SUMF1: variants seen among roughly 807,000 people sequenced by gnomAD.
SUMF1 encodes formylglycine-generating enzyme.
Under a neutral mutation model 47.6 loss-of-function variants are expected in SUMF1, and 48 were observed. That is an observed-to-expected ratio of 1.01 (90% CI 0.80 to 1.28). The LOEUF is 1.28. Among genes scored for constraint, SUMF1 ranks in the 50% most tolerant of loss-of-function variants. The pLI, the probability that SUMF1 is intolerant of heterozygous loss-of-function variation, is 0.00. For synonymous variants in SUMF1, 230 were observed against 192.1 expected (o/e 1.20, Z -1.63); for missense variants, 571 against 485.4 (o/e 1.18, Z -1.66).
chr3:4,066,393 C>T (rs978056305), intron 9 of SUMF1, among the ~76,000 whole-genome samples: 7 of 151,944 alleles, frequency 4.6e-5, no homozygotes, highest in Admixed American at 4.6e-4. Flanking sequence ...TTTCTGAAAC[C>T]AACCAAATTG....
chr3:4,088,769 G>A (rs1276471245), intron 8 of SUMF1, among the ~76,000 whole-genome samples: 2 of 152,026 alleles, frequency 1.3e-5, no homozygotes, highest in Admixed American at 1.3e-4. Context: ...GAGAATTTAA[G>A]ATGCACACGT....
At chr3:4,460,308 T>C (rs1043234508) in intron 1 of SUMF1, among the ~76,000 whole-genome samples, 2 of 152,188 alleles carry the variant, frequency 1.3e-5, no homozygotes, top group African/African-American at 4.8e-5. Context: ...CTCTTCTATA[T>C]GTTTTTAAAT....
intron 8 of SUMF1, among the ~76,000 whole-genome samples, chr3:4,239,361 G>A (rs547368989): frequency 6.6e-6 from 1 of 152,170 alleles, no homozygotes; most frequent in East Asian, 1.9e-4. Context: ...AGATTACTTT[G>A]GGCAGTATGG....
At chr3:4,181,867 G>C (rs1333454115) in intron 8 of SUMF1, among the ~76,000 whole-genome samples, 4 of 152,092 alleles carry the variant, frequency 2.6e-5, no homozygotes, top group African/African-American at 9.7e-5. Context: ...TGGACCTGAG[G>C]CTGGGGAACA....
At chr3:4,275,074 T>G (rs1393925218) in intron 8 of SUMF1, among the ~76,000 whole-genome samples, 5 of 151,988 alleles carry the variant, frequency 3.3e-5, no homozygotes, top group Admixed American at 2.0e-4. Context: ...GACCCTAGGG[T>G]TGGTCTGGGT....
intron 8 of SUMF1, among the ~76,000 whole-genome samples, chr3:4,371,776 T>C (rs1014346742): frequency 6.6e-6 from 1 of 152,208 alleles, no homozygotes; most frequent in African/African-American, 2.4e-5. Flanking sequence ...ATCATTAGTA[T>C]CTGCACTGTA....
At chr3:4,085,178 A>G (rs1211052338) in intron 8 of SUMF1, among the ~76,000 whole-genome samples, 1 of 152,138 alleles carries the variant, frequency 6.6e-6, no homozygotes, top group East Asian at 1.9e-4. Flanking sequence ...TTTAAATGTA[A>G]TGAGATGAAG....
intron 9 of SUMF1, among the ~76,000 whole-genome samples, chr3:4,045,511 G>T (rs1458747245): frequency 6.6e-6 from 1 of 151,802 alleles, no homozygotes; most frequent in Non-Finnish European, 1.5e-5. Context: ...AATAAAATGA[G>T]ATTGTATATA....
chr3:4,461,236 C>T (rs745928288), intron 1 of SUMF1, among the ~76,000 whole-genome samples: 21 of 151,962 alleles, frequency 1.4e-4, no homozygotes, highest in Non-Finnish European at 2.9e-4. Flanking sequence ...GGTCAAGGAC[C>T]GAACTAGGTT....
In SUMF1 at chr3:4,245,466, T is replaced by C. The variant is rs531436720; in HGVS notation, c.1014+130864A>G. The stretch of plus-strand genomic sequence containing the variant: ...GATGTTGATGCTATTCCTTTCTGTT[T>C]GTTAGTTTTCCTTCTAACAGACAGG... On this transcript the variant is annotated intron_variant and NMD_transcript_variant, in intron 8 of 12. Transcript: ENST00000448413. Among the ~76,000 whole-genome samples, 268 of 152,292 alleles carry C rather than the reference T, an allele frequency of 1.8e-3. 1 individual carries two copies. Among genetic ancestry groups the C allele is most frequent in the Middle Eastern group, 6.8e-3 (2 of 294 alleles).
chr3:4,253,779 C>T (rs1002240103), intron 8 of SUMF1, among the ~76,000 whole-genome samples: 13 of 146,482 alleles, frequency 8.9e-5, no homozygotes, highest in Non-Finnish European at 1.6e-4. Context: ...GGAGGCCTGC[C>T]TGCCTCTGTA....
chr3:4,226,490 G>A (rs946845643), intron 8 of SUMF1, among the ~76,000 whole-genome samples: 2 of 151,722 alleles, frequency 1.3e-5, no homozygotes, highest in African/African-American at 4.8e-5. Context: ...GGATGTTCTC[G>A]ATCCCTTGAC....
At chr3:4,269,588 C>T (rs1003541090) in intron 8 of SUMF1, among the ~76,000 whole-genome samples, 1 of 152,096 alleles carries the variant, frequency 6.6e-6, no homozygotes, top group African/African-American at 2.4e-5. Flanking sequence ...CACTACAGGA[C>T]AGAGGAGAGT....
intron 8 of SUMF1, among the ~76,000 whole-genome samples, chr3:4,218,034 A>G (rs992731374): frequency 1.3e-5 from 2 of 152,050 alleles, no homozygotes; most frequent in African/African-American, 4.8e-5. Context: ...TCACTTCTCG[A>G]AAGCGAAGGA....
intron 8 of SUMF1, among the ~76,000 whole-genome samples, chr3:4,189,863 G>A (rs909099207): frequency 8.5e-5 from 13 of 152,204 alleles, no homozygotes; most frequent in Non-Finnish European, 1.5e-4. Context: ...GGTCTAAAAT[G>A]TTCCTCCAAC....
chr3:4,115,807 G>A (rs1285937299), intron 8 of SUMF1, among the ~76,000 whole-genome samples: 2 of 151,964 alleles, frequency 1.3e-5, no homozygotes, highest in African/African-American at 4.8e-5. Context: ...AAACTTTCTA[G>A]ATACGAAACG....
intron 3 of SUMF1, among the ~76,000 whole-genome samples, chr3:4,426,723 C>T (rs1289396772): frequency 6.6e-6 from 1 of 152,222 alleles, no homozygotes; most frequent in African/African-American, 2.4e-5. Context: ...CTATGATAAA[C>T]CTCAACCTAA....
chr3:4,115,612 C>T (rs143033606), intron 8 of SUMF1, among the ~76,000 whole-genome samples: 3 of 152,110 alleles, frequency 2.0e-5, no homozygotes, highest in Non-Finnish European at 4.4e-5. Flanking sequence ...GCGAGCCACA[C>T]CCGCATCGCA....
intron 8 of SUMF1, among the ~76,000 whole-genome samples, chr3:4,297,169 C>T (rs545383289): frequency 6.6e-6 from 1 of 152,262 alleles, no homozygotes; most frequent in East Asian, 1.9e-4. Flanking sequence ...TGGGCCGAGG[C>T]TTTTTAGGAG....
Sources: allele counts gnomAD v4.1 joint callset (sites outside exome capture counted in the v4.1 genomes callset), GRCh38; gene constraint gnomAD v4.1.1; transcripts MANE v1.5; gene names NCBI Gene and HGNC (gene_info 2026-07-23, HGNC 2026-07-21).